The following ANKDD1A variants were observed in gnomAD, a reference collection of about 807,000 sequenced individuals.
ANKDD1A encodes ankyrin repeat and death domain-containing protein 1A.
ANKDD1A carries 59 observed loss-of-function variants against 63.5 expected under a neutral mutation model. The ratio of observed to expected loss-of-function variants is 0.93; its 90% CI spans 0.75 to 1.15. The LOEUF is 1.15. Among genes scored for constraint, ANKDD1A ranks in the 50% most tolerant of loss-of-function variants. The pLI is 0.00. For missense variants in ANKDD1A, 632 were observed against 656.4 expected, an observed-to-expected ratio of 0.96 and a Z score of 0.41; for synonymous variants, 266 against 263.9, an observed-to-expected ratio of 1.01 and a Z score of -0.08.
intron 3 of ANKDD1A, among the ~76,000 whole-genome samples, chr15:64,920,633 G>A (rs999424328): frequency 7.9e-5 from 12 of 151,400 alleles, no homozygotes; most frequent in African/African-American, 2.7e-4. Flanking sequence ...CTCACCATAA[G>A]CTTTGCCTCC....
Position 64,954,443 on chromosome 15 carries a change from CCTT to C in ANKDD1A, c.1484-2649_1484-2647del, listed in dbSNP as rs145292787. On this transcript the variant is annotated intron_variant, in intron 14 of 14. Coordinates refer to ENST00000319580, the MANE Select transcript of ANKDD1A (RefSeq NM_182703.6). ...TCTCCTCCTTCGTTCGTCGTCTTCTCCTTCTTCTTCTTCCCTCTTCTCCTTCTT... is the reference window on the plus strand; with the variant it reads ...TCTCCTCCTTCGTTCGTCGTCTTCTCCTTCTTCTTCCCTCTTCTCCTTCTT... Among the ~76,000 whole-genome samples, 582 of 140,906 alleles carry C rather than the reference CCTT, an allele frequency of 4.1e-3. 5 individuals are homozygous for C. The highest frequency in any genetic ancestry group is 8.2e-3 in the African/African-American group (319 of 38,814). 92.4% of individuals were successfully genotyped at this position (140,906 alleles called of 152,430 possible).
At chr15:64,937,884 C>T (rs2085147940) in intron 9 of ANKDD1A, among the ~76,000 whole-genome samples, 1 of 152,030 alleles carries the variant, frequency 6.6e-6, no homozygotes, top group South Asian at 2.1e-4. Flanking sequence ...ATGGCTCAGT[C>T]TAGGACTAGG....
chr15:64,954,633 T>TTTCTTCTTCCTTTTC (rs1555398070), intron 14 of ANKDD1A, among the ~76,000 whole-genome samples: 1 of 142,848 alleles, frequency 7.0e-6, no homozygotes, highest in Non-Finnish European at 1.5e-5. Flanking sequence ...TCTTCTTCCT[T>TTTCTTCTTCCTTTTC]TTCTTCTTCC....
chr15:64,913,680 G>A (rs929504604), intron 1 of ANKDD1A, among the ~76,000 whole-genome samples: 33 of 152,312 alleles, frequency 2.2e-4, no homozygotes, highest in African/African-American at 6.0e-4. Context: ...ATCTGGAGAA[G>A]ACTGTGTGGA....
At chr15:64,922,113 C>T in intron 4 of ANKDD1A, 94 bp downstream of exon 4, 1 of 1,099,898 alleles carries the variant, frequency 9.1e-7, no homozygotes, top group Non-Finnish European at 1.3e-6. Context: ...CCTGCTTGCC[C>T]CTCCAGCCCC....
chr15:64,950,192 G>C (rs909112506), intron 14 of ANKDD1A: 1 of 985,262 alleles, frequency 1.0e-6, no homozygotes, highest in Admixed American at 6.2e-5. Flanking sequence ...GGCCCAAACT[G>C]AACCCTGTGA....
chr15:64,953,028 C>CCTTCTTCCTTT (rs1267470571), intron 14 of ANKDD1A, among the ~76,000 whole-genome samples: 1 of 111,378 alleles, frequency 9.0e-6, no homozygotes, highest in Non-Finnish European at 1.8e-5. Flanking sequence ...TTCTTCTCCT[C>CCTTCTTCCTTT]CTTCTTCCTT....
intron 3 of ANKDD1A, 132 bp from the exon 4 acceptor site, chr15:64,921,789 T>G: frequency 1.4e-6 from 1 of 696,692 alleles, no homozygotes; most frequent in Non-Finnish European, 2.4e-6. Context: ...CTCCTAAAGC[T>G]TGGAGCTCCC....
intron 14 of ANKDD1A, among the ~76,000 whole-genome samples, chr15:64,953,295 CTTCTTCTTTTACTTTTTTCT>C (rs2085336686): frequency 7.1e-6 from 1 of 141,704 alleles, no homozygotes; most frequent in Admixed American, 7.0e-5. Context: ...TTCCTTCTTT[CTTCTTCTTTTACTTTTTTCT>C]TTCTTCTTTC....
chr15:64,928,517 T>C (rs534675631), intron 6 of ANKDD1A, among the ~76,000 whole-genome samples: 2 of 151,328 alleles, frequency 1.3e-5, no homozygotes, highest in East Asian at 4.0e-4. Flanking sequence ...CCCTGTTAAG[T>C]TTTGTGTTTT....
intron 14 of ANKDD1A, among the ~76,000 whole-genome samples, chr15:64,952,714 TCTTCTTTCTTCTTCTCCTTCTTCCTC>T (rs924733633): frequency 7.1e-6 from 1 of 140,038 alleles, no homozygotes; most frequent in African/African-American, 2.9e-5. Flanking sequence ...TCTTCTCCTT[TCTTCTTTCTTCTTCTCCTTCTTCCTC>T]CTTCTTTCCT....
rs534556703 is a variant in ANKDD1A, at chr15:64,934,251, T to C, written c.867+17T>C. 5.0e-5 allele frequency: 80 copies of C among 1,602,694 alleles called. No homozygotes were observed. In the South Asian group the frequency reaches 8.5e-4, roughly 17 times the overall value. ...GTTGATCATGTAAGTATGGTGCGAG[T>C]GTTGAAGGGGGTCTCCATTGCAAAG... On this transcript the variant is annotated intron_variant, in intron 9 of 14. Coordinates refer to ENST00000319580, the MANE Select transcript of ANKDD1A (RefSeq NM_182703.6).
Position 64,944,759 on chromosome 15 carries a change from T to C in ANKDD1A, c.1161+12T>C. ...ACAGATGGGAGAAGGTACGGAGGCC[T>C]CACGCTTGATCTTTCCTCATTGGAA... is the stretch of plus-strand genomic sequence containing the variant. On this transcript the variant is annotated intron_variant, in intron 12 of 14. Coordinates refer to ENST00000319580, the MANE Select transcript of ANKDD1A (RefSeq NM_182703.6). 6.2e-7 allele frequency: 1 copy of C among 1,611,908 alleles called. No homozygotes were observed. Among genetic ancestry groups the C allele is most frequent in the Non-Finnish European group, 8.5e-7 (1 of 1,178,394 alleles).
At chr15:64,940,651 G>A (rs1342490569) in intron 9 of ANKDD1A, among the ~76,000 whole-genome samples, 2 of 151,490 alleles carry the variant, frequency 1.3e-5, no homozygotes, top group East Asian at 3.9e-4. Flanking sequence ...TGTTAGCCAG[G>A]ATGGTCTCGA....
intron 14 of ANKDD1A, among the ~76,000 whole-genome samples, chr15:64,954,472 CCT>C (rs746255247): frequency 4.8e-4 from 65 of 135,406 alleles, no homozygotes; most frequent in Non-Finnish European, 6.9e-4. Flanking sequence ...TCTCCTTCTT[CCT>C]CTTTTTCTTC....
chr15:64,942,205 C>G (rs116403068), intron 9 of ANKDD1A, among the ~76,000 whole-genome samples: 48 of 152,056 alleles, frequency 3.2e-4, no homozygotes, highest in African/African-American at 1.1e-3. Context: ...ATGACTTGCC[C>G]GAGGTCACAT....
In ANKDD1A at chr15:64,922,000, A is replaced by G. The variant is rs772696532; in HGVS notation, c.347A>G (p.Lys116Arg). The G allele has an allele frequency of 6.2e-7, 1 of 1,614,176 alleles. No individual in the cohort carries two copies. The highest frequency in any genetic ancestry group is 8.5e-7 in the Non-Finnish European group (1 of 1,180,010). ...CAGATCTTGGTAAACTCAGGGGCCA[A>G]GATCCACTGTGAGAGCAAGGTAAGG... ...ILQILVNSGAKIHCESKDGLT... is the reference protein window; with the variant it reads ...ILQILVNSGARIHCESKDGLT... The change falls in exon 4 of 15, where the codon AAG becomes AGG. Residue 116 changes from lysine to arginine, a missense_variant. Physicochemically the swap from Lys to Arg is conservative, Grantham distance 26. Transcript: ENST00000319580.
Position 64,947,280 on chromosome 15 carries a change from G to A in ANKDD1A, c.1162-124G>A, listed in dbSNP as rs1000569615. 3.0e-5 allele frequency: 28 copies of A among 936,056 alleles called. No individual in the cohort carries two copies. The African/African-American group carries it at 3.8e-4, about 13-fold the overall frequency. The allele number at this position is 936,056 out of a possible 1,614,324, so 58.0% of individuals were successfully genotyped here. On this transcript the variant is annotated intron_variant, in intron 12 of 14. Coordinates refer to ENST00000319580, the MANE Select transcript of ANKDD1A (RefSeq NM_182703.6). ...AGAGGACATTAAGCCCCTGGCCCTT[G>A]CTGACTCCAGCTCCCAGGCACCCCA...
rs2085350208 is a variant in ANKDD1A at position 64,953,615 on chromosome 15, C to CTTCTTCTTCTCCTTCTTCTTAG, written c.1484-3478_1484-3477insCCTTCTTCTTAGTTCTTCTTCT. 3.2e-4 allele frequency among the ~76,000 whole-genome samples: 35 copies of CTTCTTCTTCTCCTTCTTCTTAG among 109,008 alleles called. 2 individuals carry two copies. Among genetic ancestry groups the CTTCTTCTTCTCCTTCTTCTTAG allele is most frequent in the African/African-American group, 1.2e-3 (32 of 27,358 alleles). 71.5% of individuals were successfully genotyped at this position (109,008 alleles called of 152,430 possible). A position where few individuals can be genotyped will look rare whatever the true frequency, so the allele number is the denominator to read the frequency against. ...TTCTCCTTTTCTTCTTTCTTCTCTC[C>CTTCTTCTTCTCCTTCTTCTTAG]TTCTTCTTCTTCTTCCTTCTTCTTC... On this transcript the variant is annotated intron_variant, in intron 14 of 14. Transcript: ENST00000319580.
Sources: gnomAD v4.1 joint callset for allele counts (sites outside exome capture counted in the v4.1 genomes callset) on GRCh38, gnomAD v4.1.1 for gene constraint, MANE v1.5 for transcripts, NCBI Gene and HGNC (gene_info 2026-07-23, HGNC 2026-07-21) for gene names.